The following RPSA2 variants were observed in gnomAD, a reference collection of about 807,000 sequenced individuals.
The protein encoded by RPSA2 is small ribosomal subunit protein uS2B.
At chr19:23,779,295 C>T in the RPSA2 span, among the ~76,000 whole-genome samples, 4 of 152,140 alleles carry the variant, frequency 2.6e-5, no homozygotes, top group South Asian at 2.1e-4. Flanking sequence ...CCACTGCGCC[C>T]GGCCATGACA....
chr19:23,857,454 TA>T, the RPSA2 span, among the ~76,000 whole-genome samples: 4 of 151,422 alleles, frequency 2.6e-5, no homozygotes, highest in Non-Finnish European at 5.9e-5. Flanking sequence ...TGAGCTTCTT[TA>T]AAATCTATAT....
the RPSA2 span, among the ~76,000 whole-genome samples, chr19:23,855,612 C>T: frequency 6.6e-6 from 1 of 152,062 alleles, no homozygotes; most frequent in Non-Finnish European, 1.5e-5. Flanking sequence ...ACAGGAAAAG[C>T]ATGTGTAGAT....
At chr19:23,850,648 C>G in the RPSA2 span, among the ~76,000 whole-genome samples, 1 of 151,716 alleles carries the variant, frequency 6.6e-6, no homozygotes, top group Non-Finnish European at 1.5e-5. Context: ...TGGTGAAACA[C>G]AAGCATACCC....
At chr19:23,773,382 C>T in the RPSA2 span, among the ~76,000 whole-genome samples, 15 of 151,738 alleles carry the variant, frequency 9.9e-5, no homozygotes, top group Non-Finnish European at 1.8e-4. Flanking sequence ...CTCCTGGGTT[C>T]AAGTGATTCT....
the RPSA2 span, chr19:23,833,205 T>C: frequency 3.6e-5 from 43 of 1,185,516 alleles, no homozygotes; most frequent in Non-Finnish European, 4.3e-5. Context: ...AGAAAATTTA[T>C]ACTTGAAAGC....
the RPSA2 span, among the ~76,000 whole-genome samples, chr19:23,844,501 T>G: frequency 6.6e-6 from 1 of 152,298 alleles, no homozygotes; most frequent in Admixed American, 6.5e-5. Context: ...TGAAAAGTGC[T>G]TAGTAATGTT....
the RPSA2 span, among the ~76,000 whole-genome samples, chr19:23,817,157 G>A: frequency 0.98 from 148,782 of 152,262 alleles, 72,782 homozygotes; most frequent in Middle Eastern, 1. Context: ...CGAGGTGGGC[G>A]GATAACCTGA....
the RPSA2 span, chr19:23,807,874 T>C: frequency 4.7e-6 from 2 of 424,148 alleles, no homozygotes; most frequent in Admixed American, 2.8e-5. Flanking sequence ...TCTGGAGGAG[T>C]AGCAGTGCCT....
the RPSA2 span, chr19:23,758,960 C>T: frequency 6.4e-6 from 4 of 623,838 alleles, no homozygotes; most frequent in Non-Finnish European, 1.1e-5. Flanking sequence ...CAGTTCCCAG[C>T]CCAGCGTCCC....
At chr19:23,806,902 G>A in the RPSA2 span, among the ~76,000 whole-genome samples, 1 of 151,952 alleles carries the variant, frequency 6.6e-6, no homozygotes, top group African/African-American at 2.4e-5. Flanking sequence ...CTCTATCTTG[G>A]ACTTTCCATA....
At chr19:23,828,079 T>C in the RPSA2 span, 1 of 552,348 alleles carries the variant, frequency 1.8e-6, no homozygotes, top group African/African-American at 2.3e-5. Context: ...TTAAGCAGCA[T>C]GGAAAAATGG....
chr19:23,869,436 T>C, the RPSA2 span, among the ~76,000 whole-genome samples: 6 of 152,246 alleles, frequency 3.9e-5, no homozygotes, highest in South Asian at 1.2e-3. Flanking sequence ...GTGCTGACTA[T>C]ATGGAATGGA....
chr19:23,805,167 T>TTTTTC, the RPSA2 span, among the ~76,000 whole-genome samples: 147,687 of 150,966 alleles, frequency 0.98, 72,334 homozygotes, highest in Middle Eastern at 1. Context: ...ACACACACTT[T>TTTTTC]TTTTCTTTTT....
chr19:23,806,085 TC>T, the RPSA2 span, among the ~76,000 whole-genome samples: 1 of 148,868 alleles, frequency 6.7e-6, no homozygotes, highest in Non-Finnish European at 1.5e-5. Context: ...CACTCTGTCG[TC>T]CCCGCTGGAG....
chr19:23,779,003 T>G, the RPSA2 span, among the ~76,000 whole-genome samples: 2 of 133,994 alleles, frequency 1.5e-5, no homozygotes, highest in Non-Finnish European at 1.6e-5. Flanking sequence ...CACTTTTTTT[T>G]TTTTTTTTTT....
the RPSA2 span, among the ~76,000 whole-genome samples, chr19:23,851,205 A>G: frequency 1.7e-5 from 1 of 57,956 alleles, no homozygotes; most frequent in African/African-American, 5.9e-5. Context: ...TTTGCCATAA[A>G]TCTTTAGGAG....
At chr19:23,842,872 G>A in the RPSA2 span, among the ~76,000 whole-genome samples, 1 of 151,700 alleles carries the variant, frequency 6.6e-6, no homozygotes, top group Non-Finnish European at 1.5e-5. Context: ...TTTTTTTGAG[G>A]TAATCTGTAT....
At chr19:23,784,696 G>A in the RPSA2 span, among the ~76,000 whole-genome samples, 5 of 152,166 alleles carry the variant, frequency 3.3e-5, no homozygotes, top group African/African-American at 1.2e-4. Flanking sequence ...AGTAAAGACT[G>A]TCATTCTCCC....
the RPSA2 span, chr19:23,843,253 T>A: frequency 4.2e-6 from 1 of 238,416 alleles, no homozygotes; most frequent in Non-Finnish European, 8.9e-6. Flanking sequence ...TAAAGAGACA[T>A]GAGACAGTGG....
Sources: gnomAD v4.1 joint callset for allele counts (sites outside exome capture counted in the v4.1 genomes callset) on GRCh38, gnomAD v4.1.1 for gene constraint, MANE v1.5 for transcripts, NCBI Gene and HGNC (gene_info 2026-07-23, HGNC 2026-07-21) for gene names.